The following KCNG3 variants were observed in gnomAD, a reference collection of about 807,000 sequenced individuals.
KCNG3 encodes potassium voltage-gated channel modifier subfamily G member 3.
In KCNG3, 15 loss-of-function variants were observed where a neutral mutation model predicts 29.0. That is an observed-to-expected ratio of 0.52 (90% CI 0.35 to 0.80). The LOEUF (loss-of-function observed/expected upper bound fraction) is 0.80. Ranked by LOEUF, KCNG3 falls within the 30% of genes least tolerant of loss-of-function variation. The probability of loss-of-function intolerance (pLI) is 0.01; values close to 1 mark genes in which losing one functional copy is unlikely to be tolerated. For synonymous variants in KCNG3, 322 were observed against 248.9 expected, an observed-to-expected ratio of 1.29 and a Z score of -2.76; for missense variants, 512 against 605.7, an observed-to-expected ratio of 0.85 and a Z score of 1.62.
At chr2:42,410,615 C>G in the KCNG3 span, among the ~76,000 whole-genome samples, 5 of 152,114 alleles carry the variant, frequency 3.3e-5, no homozygotes, top group African/African-American at 1.2e-4. Context: ...CTATGTAAAA[C>G]TGTTCATATG....
chr2:42,439,471 C>T (rs1333855644), downstream of KCNG3, among the ~76,000 whole-genome samples: 1 of 151,602 alleles, frequency 6.6e-6, no homozygotes, highest in East Asian at 1.9e-4. Flanking sequence ...CTATGTTGGC[C>T]AGGCTGGTTT....
intron 1 of KCNG3, among the ~76,000 whole-genome samples, chr2:42,477,714 A>G (rs1466660523): frequency 6.6e-6 from 1 of 151,922 alleles, no homozygotes; most frequent in East Asian, 1.9e-4. Flanking sequence ...ATCCGTCTCT[A>G]TTAAAAATAT....
the KCNG3 span, among the ~76,000 whole-genome samples, chr2:42,402,345 T>C: frequency 6.6e-6 from 1 of 152,228 alleles, no homozygotes; most frequent in Non-Finnish European, 1.5e-5. Context: ...CCTATTGGCC[T>C]GTTTTTCTGG....
chr2:42,426,942 C>G, the KCNG3 span, among the ~76,000 whole-genome samples: 1 of 152,140 alleles, frequency 6.6e-6, no homozygotes. Flanking sequence ...TGAGGTATAA[C>G]TTTACTCAAT....
the KCNG3 span, among the ~76,000 whole-genome samples, chr2:42,422,984 G>C: frequency 6.6e-6 from 1 of 152,038 alleles, no homozygotes; most frequent in Admixed American, 6.6e-5. Flanking sequence ...TCTTACAGAG[G>C]GACTTTTCAC....
chr2:42,413,927 G>T, the KCNG3 span, among the ~76,000 whole-genome samples: 1 of 152,166 alleles, frequency 6.6e-6, no homozygotes, highest in Non-Finnish European at 1.5e-5. Flanking sequence ...GAATGTTGGC[G>T]GGGGACACAG....
downstream of KCNG3, among the ~76,000 whole-genome samples, chr2:42,437,749 C>T (rs1361015262): frequency 6.6e-6 from 1 of 151,790 alleles, no homozygotes; most frequent in East Asian, 1.9e-4. Flanking sequence ...ACCAGCCCGG[C>T]CAACATGGCA....
At chr2:42,477,952 G>A (rs1269251307) in intron 1 of KCNG3, among the ~76,000 whole-genome samples, 1 of 151,810 alleles carries the variant, frequency 6.6e-6, no homozygotes, top group African/African-American at 2.4e-5. Flanking sequence ...CTGACACAAC[G>A]CACCTTAGTA....
intron 1 of KCNG3, chr2:42,470,341 A>C (rs1673256571): frequency 4.1e-6 from 1 of 243,588 alleles, no homozygotes; most frequent in South Asian, 5.5e-5. Context: ...AAGCCCCAAA[A>C]CACCATAAAC....
At chr2:42,487,527 T>A (rs1184278250) in intron 1 of KCNG3, among the ~76,000 whole-genome samples, 2 of 152,036 alleles carry the variant, frequency 1.3e-5, no homozygotes, top group African/African-American at 4.8e-5. Flanking sequence ...GACTCCTCAA[T>A]ATATGTAAAG....
the KCNG3 span, among the ~76,000 whole-genome samples, chr2:42,414,372 C>T: frequency 1.1e-4 from 16 of 152,200 alleles, no homozygotes; most frequent in Admixed American, 2.6e-4. Context: ...CCTCAGTATT[C>T]TGAAGTTGTT....
At chr2:42,465,111 T>C (rs1673107854) in intron 1 of KCNG3, among the ~76,000 whole-genome samples, 1 of 152,196 alleles carries the variant, frequency 6.6e-6, no homozygotes, top group African/African-American at 2.4e-5. Context: ...ATTACTATCC[T>C]TACTTCATAC....
intron 1 of KCNG3, among the ~76,000 whole-genome samples, chr2:42,482,602 C>T (rs1029179571): frequency 3.3e-5 from 5 of 151,168 alleles, no homozygotes; most frequent in African/African-American, 1.2e-4. Context: ...GGTGGCACAC[C>T]CCTGTAATCC....
At chr2:42,414,984 CCTA>C in the KCNG3 span, among the ~76,000 whole-genome samples, 2 of 152,098 alleles carry the variant, frequency 1.3e-5, no homozygotes, top group African/African-American at 2.4e-5. Context: ...TTTAGATGGG[CCTA>C]CTGTTTATAT....
the KCNG3 span, chr2:42,388,755 T>C: frequency 6.6e-6 from 1 of 152,250 alleles, no homozygotes; most frequent in East Asian, 1.9e-4. Context: ...GTTCAACATA[T>C]GAATTTGGAG....
the KCNG3 span, among the ~76,000 whole-genome samples, chr2:42,409,427 G>A: frequency 6.6e-6 from 1 of 151,624 alleles, no homozygotes; most frequent in East Asian, 1.9e-4. Flanking sequence ...TTTAAGGCTG[G>A]GCGAGTTGGC....
chr2:42,399,900 C>CA, the KCNG3 span, among the ~76,000 whole-genome samples: 1 of 152,114 alleles, frequency 6.6e-6, no homozygotes, highest in African/African-American at 2.4e-5. Flanking sequence ...CAAGTACCAG[C>CA]AACCTTCCAC....
At chr2:42,489,979 C>T (rs2103743424) in intron 1 of KCNG3, among the ~76,000 whole-genome samples, 1 of 152,330 alleles carries the variant, frequency 6.6e-6, no homozygotes, top group South Asian at 2.1e-4. Context: ...TCCCTCTCTC[C>T]AAATCACAGA....
rs1449756289 is a variant in KCNG3 at position 42,442,875 on chromosome 2, T to A, written c.*1059A>T. Reference sequence around the variant, plus strand: ...AAAGATCAGATCAAATCATTATGTATCCATCGCTTTTACTGGCTTAAAATT... The same window carrying A: ...AAAGATCAGATCAAATCATTATGTAACCATCGCTTTTACTGGCTTAAAATT... On this transcript the variant is annotated 3_prime_UTR_variant, in exon 2 of 2. Coordinates refer to ENST00000306078, the MANE Select transcript of KCNG3 (RefSeq NM_133329.6). 1 of 152,176 alleles carries A rather than the reference T, an allele frequency of 6.6e-6. No homozygotes were observed. Among genetic ancestry groups the A allele is most frequent in the Admixed American group, 6.6e-5 (1 of 15,262 alleles). 9.4% of individuals were successfully genotyped at this position (152,176 alleles called of 1,614,324 possible). A position where few individuals can be genotyped will look rare whatever the true frequency, so the allele number is the denominator to read the frequency against.
Sources: allele counts gnomAD v4.1 joint callset (sites outside exome capture counted in the v4.1 genomes callset), GRCh38; gene constraint gnomAD v4.1.1; transcripts MANE v1.5; gene names NCBI Gene and HGNC (gene_info 2026-07-23, HGNC 2026-07-21).